The following MAPK8IP2 variants were observed in gnomAD, a reference collection of about 807,000 sequenced individuals.
MAPK8IP2 encodes C-Jun-amino-terminal kinase-interacting protein 2.
MAPK8IP2 carries 15 observed loss-of-function variants against 75.6 expected under a neutral mutation model. The ratio of observed to expected loss-of-function variants is 0.20; its 90% CI spans 0.13 to 0.31. MAPK8IP2 has a LOEUF of 0.31. Among genes scored for constraint, MAPK8IP2 ranks in the 10% least tolerant of loss-of-function variants. MAPK8IP2 has a pLI of 1.00. For synonymous variants in MAPK8IP2, 632 were observed against 554.5 expected (o/e 1.14, Z -1.96); for missense variants, 1,089 against 1,211.2 (o/e 0.90, Z 1.50).
Position 50,605,571 on chromosome 22 carries a change from G to T in MAPK8IP2, c.1851G>T (p.Pro617=), listed in dbSNP as rs377339257. The part of the protein sequence containing the change: ...QTHRAVFRFI[P]RHPDELELDV... ...TCTCCCCCAACGGCAGGTTCATCCC[G>T]CGGCATCCAGACGAGCTGGAGCTGG... The change falls in exon 7 of 12, where the codon CCG becomes CCT. Residue 617 remains proline (P), a synonymous_variant. Transcript: ENST00000329492. 27 of 1,585,036 alleles carry T rather than the reference G, an allele frequency of 1.7e-5. No individual in the cohort carries two copies. In the Middle Eastern group the frequency reaches 1.2e-3, roughly 69 times the overall value.
chr22:50,610,841 C>A lies in MAPK8IP2; in HGVS notation c.*62C>A. Reference sequence around the variant, plus strand: ...GGCGCAGCTGGGGCTGAGGATGTCTCAAGAGGCCACCATGGCTTTGGCAAG... The same window carrying A: ...GGCGCAGCTGGGGCTGAGGATGTCTAAAGAGGCCACCATGGCTTTGGCAAG... On this transcript the variant is annotated 3_prime_UTR_variant, in exon 12 of 12. Coordinates refer to ENST00000329492, the MANE Select transcript of MAPK8IP2 (RefSeq NM_012324.6). The surrounding 1 kb of genome is among the most constrained non-coding windows in gnomAD (Gnocchi z 4.3). 7.0e-7 allele frequency: 1 copy of A among 1,420,600 alleles called. No individual in the cohort carries two copies. Among genetic ancestry groups the A allele is most frequent in the Admixed American group, 2.0e-5 (1 of 50,132 alleles). 88.0% of individuals were successfully genotyped at this position (1,420,600 alleles called of 1,614,324 possible).
chr22:50,610,351 G>C lies in MAPK8IP2; in HGVS notation c.2402+41G>C. 2.0e-6 allele frequency: 3 copies of C among 1,527,514 alleles called. No homozygotes were observed. Among genetic ancestry groups the C allele is most frequent in the Non-Finnish European group, 2.7e-6 (3 of 1,119,966 alleles). The allele number at this position is 1,527,514 out of a possible 1,614,324, so 94.6% of individuals were successfully genotyped here. On this transcript the variant is annotated intron_variant, in intron 11 of 11. Transcript: ENST00000329492. This position sits in a 1 kb window ranked among gnomAD's most constrained non-coding sequence, Gnocchi z 4.3. ...GGGTGTGGGTGCAGAATGGGTGCAG[G>C]GTTACGGAGGTGGGGAGCGGAGGTG...
rs2071163427 is a variant in MAPK8IP2, at chr22:50,612,336, C to T, written c.*1557C>T. 1 of 152,188 alleles carries T rather than the reference C, an allele frequency of 6.6e-6. No homozygotes were observed. Among genetic ancestry groups the T allele is most frequent in the South Asian group, 2.1e-4 (1 of 4,832 alleles). The allele number at this position is 152,188 out of a possible 1,614,324, so 9.4% of individuals were successfully genotyped here. On this transcript the variant is annotated 3_prime_UTR_variant, in exon 12 of 12. Coordinates refer to ENST00000329492, the MANE Select transcript of MAPK8IP2 (RefSeq NM_012324.6). ...AGGCCCTCCTGGGTGAGCCCGCCTC[C>T]CAGGCAGGGGTCAGCATGGCCGGGG...
chr22:50,602,034 C>T (rs1364599322), intron 2 of MAPK8IP2, 140 bp downstream of exon 2: 9 of 661,958 alleles, frequency 1.4e-5, no homozygotes, highest in Non-Finnish European at 2.4e-5. Flanking sequence ...CCCCACTTAA[C>T]CCTTGAGGTT....
At position 50,605,608 on chromosome 22, in the gene MAPK8IP2, C is replaced by G. The variant is rs2071036172; in HGVS notation, c.1888C>G (p.Pro630Ala). The change falls in exon 7 of 12, where the codon CCT (proline) becomes GCT (alanine). Residue 630 changes from proline to alanine, a missense_variant. Physicochemically the swap from Pro to Ala is conservative, Grantham distance 27. This residue lies in a region of MAPK8IP2 where 960 missense variants were observed against 1,009.6 expected (regional missense o/e 0.95). Coordinates refer to ENST00000329492, the MANE Select transcript of MAPK8IP2 (RefSeq NM_012324.6). The part of the protein sequence containing the change: ...PDELELDVDD[P>A]VLVEAEEDDF... ...CGAGCTGGAGCTGGATGTGGATGAC[C>G]CTGTGTTGGTGGAGGCCGAGGAGGA... is the stretch of plus-strand genomic sequence containing the variant. 2 of 1,607,072 alleles carry G rather than the reference C, an allele frequency of 1.2e-6. No individual in the cohort carries two copies. Among genetic ancestry groups the G allele is most frequent in the Non-Finnish European group, 1.7e-6 (2 of 1,177,198 alleles).
At position 50,603,431 on chromosome 22, in the gene MAPK8IP2, C is replaced by T; in HGVS notation, c.380C>T (p.Ser127Phe). 1.3e-6 allele frequency: 2 copies of T among 1,569,296 alleles called. No individual in the cohort carries two copies. Among genetic ancestry groups the T allele is most frequent in the Non-Finnish European group, 1.7e-6 (2 of 1,155,976 alleles). ...EAPAPGPLIP[S>F]PSVEEPHKHR... ...CCTGCCCCCGGGCCCCTTATCCCCT[C>T]CCCTTCCGTGGAGGAGCCCCACAAG... Residue 127 changes from serine (S) to phenylalanine (F), a missense_variant, in exon 3 of 12, where the codon TCC becomes TTC. Transcript: ENST00000329492.
rs1482064740 is a variant in MAPK8IP2 at position 50,610,134 on chromosome 22, C to T, written c.2304-78C>T. On this transcript the variant is annotated intron_variant, in intron 10 of 11. Transcript: ENST00000329492. This position sits in a 1 kb window ranked among gnomAD's most constrained non-coding sequence, Gnocchi z 4.3. ...CTCCCCAAGCCCTTTGTTCCTGCCTCTTCTCTCTACATCATTTGTGGGGTG... is the reference window on the plus strand; with the variant it reads ...CTCCCCAAGCCCTTTGTTCCTGCCTTTTCTCTCTACATCATTTGTGGGGTG... The T allele has an allele frequency of 7.5e-6, 8 of 1,068,622 alleles. No individual in the cohort carries two copies. The highest frequency in any genetic ancestry group is 1.1e-5 in the Non-Finnish European group (8 of 707,094). 66.2% of individuals were successfully genotyped at this position (1,068,622 alleles called of 1,614,324 possible).
chr22:50,605,226 T>C (rs1255220489), intron 5 of MAPK8IP2, 142 bp from the exon 6 acceptor site: 81 of 1,097,998 alleles, frequency 7.4e-5, no homozygotes, highest in Non-Finnish European at 9.7e-5. Context: ...GGTGGCCTGC[T>C]CTGCCTCAGC....
intron 3 of MAPK8IP2, 21 bp downstream of exon 3, chr22:50,603,519 C>T: frequency 6.4e-7 from 1 of 1,566,412 alleles, no homozygotes; most frequent in Non-Finnish European, 8.7e-7. Flanking sequence ...GGACCCACAG[C>T]TCCCTGGAGC....
Position 50,607,008 on chromosome 22 carries a change from C to CTGA in MAPK8IP2, c.2303+17_2303+18insTGA. 6.2e-7 allele frequency: 1 copy of CTGA among 1,606,082 alleles called. No homozygotes were observed. On this transcript the variant is annotated intron_variant, in intron 10 of 11. Coordinates refer to ENST00000329492, the MANE Select transcript of MAPK8IP2 (RefSeq NM_012324.6). The surrounding 1 kb of genome is among the most constrained non-coding windows in gnomAD (Gnocchi z 5.6). ...CAACAGCTGGTGAGAGTCTGACCGT[C>CTGA]CCCGAGTCCCCCAACCGCCCCCACA...
At chr22:50,602,646 G>C (rs1161349532) in intron 2 of MAPK8IP2, among the ~76,000 whole-genome samples, 1 of 152,232 alleles carries the variant, frequency 6.6e-6, no homozygotes, top group African/African-American at 2.4e-5. Context: ...GGGTAGGTAG[G>C]AGGGAATGGA....
At chr22:50,609,658 C>T (rs1453357216) in intron 10 of MAPK8IP2, 14 of 437,528 alleles carry the variant, frequency 3.2e-5, no homozygotes, top group Admixed American at 1.7e-4. Flanking sequence ...CTCTGGACGA[C>T]GATTTTTGAT....
At chr22:50,606,018 C>A in intron 8 of MAPK8IP2, 84 bp downstream of exon 8, 2 of 1,130,890 alleles carry the variant, frequency 1.8e-6, no homozygotes, top group Non-Finnish European at 1.3e-6. Flanking sequence ...GGGCTTGAGG[C>A]TCCAAGGTCT....
In MAPK8IP2 at chr22:50,604,385, C is replaced by T. The variant is rs1326160126; in HGVS notation, c.1086C>T (p.Gly362=). 2.6e-6 allele frequency: 4 copies of T among 1,525,648 alleles called. No homozygotes were observed. The highest frequency in any genetic ancestry group is 2.0e-5 in the Admixed American group (1 of 50,588). 94.5% of individuals were successfully genotyped at this position (1,525,648 alleles called of 1,614,324 possible). ...TGGTGAGCCGCATGATCTCCGAGGG[C>T]TCCTCGCCCATCCGCTGCCCCGGCC... ...SNLVSRMISE[G]SSPIRCPGQC... is the part of the protein sequence containing the mutation. The change falls in exon 5 of 12, where the codon GGC becomes GGT. Residue 362 remains glycine, a synonymous_variant. Transcript: ENST00000329492.
intron 10 of MAPK8IP2, among the ~76,000 whole-genome samples, chr22:50,608,148 A>G (rs2071080555): frequency 6.6e-6 from 1 of 152,144 alleles, no homozygotes; most frequent in African/African-American, 2.4e-5. Flanking sequence ...CCTGTGGTCG[A>G]GAGTGAGGGT....
At position 50,606,757 on chromosome 22, in the gene MAPK8IP2, G is replaced by A. The variant is rs776496717; in HGVS notation, c.2224G>A (p.Gly742Arg). 2 of 1,580,352 alleles carry A rather than the reference G, an allele frequency of 1.3e-6. No homozygotes were observed. Among genetic ancestry groups the A allele is most frequent in the South Asian group, 2.3e-5 (2 of 86,832 alleles). Reference sequence around the variant, plus strand: ...GGTCAAGCTGAGTCTGAGCGGAGGAGGGCCCGAGGTGGGAGTGTGGGGGAC... The same window carrying A: ...GGTCAAGCTGAGTCTGAGCGGAGGAAGGCCCGAGGTGGGAGTGTGGGGGAC... ...RGVKLSLSGG[G>R]PEFQRCSHFF... Residue 742 changes from glycine (G) to arginine (R), a missense_variant, in exon 9 of 12, where the codon GGG becomes AGG. Coordinates refer to ENST00000329492, the MANE Select transcript of MAPK8IP2 (RefSeq NM_012324.6).
In MAPK8IP2 at chr22:50,604,169, C is replaced by G; in HGVS notation, c.870C>G (p.Ser290=). The part of the protein sequence containing the change: ...SDGGSSSSGR[S]SHLTNSIEEA... Reference sequence around the variant, plus strand: ...GCGGAAGCAGCAGCAGCGGCCGCTCCTCGCACCTCACCAACTCCATCGAGG... The same window carrying G: ...GCGGAAGCAGCAGCAGCGGCCGCTCGTCGCACCTCACCAACTCCATCGAGG... The change falls in exon 5 of 12, where the codon TCC becomes TCG. Residue 290 remains serine, a synonymous_variant. Coordinates refer to ENST00000329492, the MANE Select transcript of MAPK8IP2 (RefSeq NM_012324.6). 6.5e-7 allele frequency: 1 copy of G among 1,549,894 alleles called. No individual in the cohort carries two copies. The highest frequency in any genetic ancestry group is 2.1e-4 in the Middle Eastern group (1 of 4,750).
Position 50,605,727 on chromosome 22 carries a change from C to T in MAPK8IP2, c.2007C>T (p.Asp669=), listed in dbSNP as rs370351803. ...YAHAVPGPAK[D]LLGSKRSPCW... The stretch of plus-strand genomic sequence containing the variant: ...ATGCGGTGCCCGGCCCTGCCAAGGA[C>T]CTGCTGGGTGAGGTCCCAACCCCGA... The change falls in exon 7 of 12, where the codon GAC becomes GAT. Residue 669 remains aspartate (D), a synonymous_variant. Transcript: ENST00000329492. 3 of 1,608,066 alleles carry T rather than the reference C, an allele frequency of 1.9e-6. No homozygotes were observed. The highest frequency in any genetic ancestry group is 2.5e-6 in the Non-Finnish European group (3 of 1,177,440).
Position 50,607,903 on chromosome 22 carries a change from A to AG in MAPK8IP2, c.2303+918dup, listed in dbSNP as rs771282889. ...GTGCTGGCATAGGAGCAGCAGGCCAAGGGGGGCTGCCAGCTTCCCTCCAGG... is the reference window on the plus strand; with the variant it reads ...GTGCTGGCATAGGAGCAGCAGGCCAAGGGGGGGCTGCCAGCTTCCCTCCAGG... On this transcript the variant is annotated intron_variant, in intron 10 of 11. Transcript: ENST00000329492. This position sits in a 1 kb window ranked among gnomAD's most constrained non-coding sequence, Gnocchi z 5.6. 1.3e-5 allele frequency among the ~76,000 whole-genome samples: 2 copies of AG among 152,084 alleles called. No individual in the cohort carries two copies. Among genetic ancestry groups the AG allele is most frequent in the African/African-American group, 2.4e-5 (1 of 41,498 alleles).
Sources: allele counts gnomAD v4.1 joint callset (sites outside exome capture counted in the v4.1 genomes callset), GRCh38; gene constraint gnomAD v4.1.1; regional missense constraint gnomAD v4.1.1; non-coding constraint Gnocchi (gnomAD v3.1); transcripts MANE v1.5; gene names NCBI Gene and HGNC (gene_info 2026-07-23, HGNC 2026-07-21).